Variants in FAM227B observed in about 807,000 individuals in gnomAD.
The protein encoded by FAM227B is protein FAM227B.
Under a neutral mutation model 73.8 loss-of-function variants are expected in FAM227B, and 88 were observed. The ratio of observed to expected loss-of-function variants is 1.19; its 90% CI spans 1.00 to 1.42. The LOEUF (loss-of-function observed/expected upper bound fraction) is 1.42. Ranked by LOEUF, FAM227B falls within the 40% of genes most tolerant of loss-of-function variation. The pLI is 0.00. For missense variants in FAM227B, 632 were observed against 590.9 expected, an observed-to-expected ratio of 1.07 and a Z score of -0.72; for synonymous variants, 210 against 190.5, an observed-to-expected ratio of 1.10 and a Z score of -0.84.
At chr15:49,333,404 A>G (rs1265680620) in intron 14 of FAM227B, among the ~76,000 whole-genome samples, 2 of 152,188 alleles carry the variant, frequency 1.3e-5, no homozygotes, top group East Asian at 1.9e-4. Context: ...TGCATTAATC[A>G]TATTTGAATA....
intron 11 of FAM227B, among the ~76,000 whole-genome samples, chr15:49,489,775 T>C (rs1162012555): frequency 8.4e-6 from 1 of 118,470 alleles, no homozygotes; most frequent in Non-Finnish European, 1.8e-5. Context: ...TATAGATATA[T>C]ACAGAACAGG....
chr15:49,420,322 G>A (rs917732512), intron 11 of FAM227B, among the ~76,000 whole-genome samples: 7 of 151,852 alleles, frequency 4.6e-5, no homozygotes, highest in South Asian at 4.2e-4. Flanking sequence ...ATACCCATTC[G>A]GTGGAATACC....
chr15:49,508,474 C>T (rs1377731312), intron 10 of FAM227B, 126 bp from the exon 11 acceptor site: 1 of 735,838 alleles, frequency 1.4e-6, no homozygotes, highest in Non-Finnish European at 2.1e-6. Context: ...CTTTTTTGTT[C>T]CTTTTAAGCT....
At chr15:49,381,491 A>T (rs1274849479) in intron 11 of FAM227B, among the ~76,000 whole-genome samples, 1 of 152,220 alleles carries the variant, frequency 6.6e-6, no homozygotes, top group Non-Finnish European at 1.5e-5. Context: ...GACATCCATG[A>T]GAAGTAATAG....
At chr15:49,577,910 C>T (rs1162349088) in intron 5 of FAM227B, among the ~76,000 whole-genome samples, 7 of 152,120 alleles carry the variant, frequency 4.6e-5, no homozygotes, top group Admixed American at 4.6e-4. Flanking sequence ...GATATAAGGG[C>T]TATAATAAAC....
Position 49,424,614 on chromosome 15 carries a change from T to G in FAM227B, c.1013-53215A>C, listed in dbSNP as rs755511380. 4 of 1,489,528 alleles carry G rather than the reference T, an allele frequency of 2.7e-6. No homozygotes were observed. In the Admixed American group the frequency reaches 6.4e-5, roughly 24 times the overall value. The allele number at this position is 1,489,528 out of a possible 1,614,324, so 92.3% of individuals were successfully genotyped here. A position where few individuals can be genotyped will look rare whatever the true frequency, so the allele number is the denominator to read the frequency against. On this transcript the variant is annotated intron_variant, in intron 11 of 15. Coordinates refer to ENST00000299338, the MANE Select transcript of FAM227B (RefSeq NM_152647.3). Reference sequence around the variant, plus strand: ...TAATTTTAAGTACTGCTCATGAACCTTAGCAATCTGTTAATGGATCAATTT... The same window carrying G: ...TAATTTTAAGTACTGCTCATGAACCGTAGCAATCTGTTAATGGATCAATTT...
intron 5 of FAM227B, among the ~76,000 whole-genome samples, chr15:49,580,471 C>G (rs546931126): frequency 6.6e-6 from 1 of 152,252 alleles, no homozygotes; most frequent in African/African-American, 2.4e-5. Flanking sequence ...CTGAAAACAT[C>G]CAGAAACAAA....
At chr15:49,465,990 C>T (rs2054235489) in intron 11 of FAM227B, among the ~76,000 whole-genome samples, 2 of 152,262 alleles carry the variant, frequency 1.3e-5, no homozygotes, top group South Asian at 2.1e-4. Context: ...TTCAAATAGT[C>T]TACAACCTAG....
intron 11 of FAM227B, among the ~76,000 whole-genome samples, chr15:49,468,688 A>G (rs914202561): frequency 6.6e-6 from 1 of 152,216 alleles, no homozygotes; most frequent in African/African-American, 2.4e-5. Context: ...GTGAAAGTCA[A>G]TAAAGAAATG....
chr15:49,589,542 T>TAC (rs35391819), intron 4 of FAM227B, among the ~76,000 whole-genome samples: 28,385 of 139,512 alleles, frequency 0.2, 2,903 homozygotes, highest in East Asian at 0.3. Context: ...TTTATGAGAT[T>TAC]ACACACACAC....
intron 11 of FAM227B, among the ~76,000 whole-genome samples, chr15:49,499,927 T>C (rs2058000488): frequency 6.6e-6 from 1 of 152,204 alleles, no homozygotes; most frequent in African/African-American, 2.4e-5. Context: ...AATTTCCATG[T>C]GAAATTGGGT....
At chr15:49,568,448 G>A in intron 8 of FAM227B, 102 bp from the exon 9 acceptor site, 1 of 914,650 alleles carries the variant, frequency 1.1e-6, no homozygotes, top group Non-Finnish European at 1.6e-6. Context: ...CAGATCAATT[G>A]GTACAGGAGA....
intron 11 of FAM227B, among the ~76,000 whole-genome samples, chr15:49,380,121 C>T (rs949795500): frequency 6.6e-6 from 1 of 152,132 alleles, no homozygotes; most frequent in Admixed American, 6.5e-5. Flanking sequence ...TCTTTCTTCC[C>T]CTTTCCAAAG....
intron 13 of FAM227B, among the ~76,000 whole-genome samples, chr15:49,350,587 G>A (rs533892533): frequency 1.3e-5 from 2 of 152,108 alleles, no homozygotes; most frequent in African/African-American, 2.4e-5. Flanking sequence ...CCACAAAACT[G>A]AGCTTAAAAG....
chr15:49,485,147 T>G (rs2056300427), intron 11 of FAM227B: 1 of 152,342 alleles, frequency 6.6e-6, no homozygotes, highest in Non-Finnish European at 1.5e-5. Flanking sequence ...AAATTTCTAA[T>G]GCTGCTCAAG....
Position 49,508,347 on chromosome 15 carries a change from A to G in FAM227B, c.876T>C (p.Gly292=), listed in dbSNP as rs777750243. ...LGNNIFLWCS[G]LKPQKGFWIH... Reference sequence around the variant, plus strand: ...TCCAAAAGCCTTTTTGAGGTTTTAAACCTGTTAATATAAAATACATATTTA... The same window carrying G: ...TCCAAAAGCCTTTTTGAGGTTTTAAGCCTGTTAATATAAAATACATATTTA... The change falls in exon 11 of 16, where the codon GGT becomes GGC. Residue 292 remains glycine, a splice_region_variant and synonymous_variant. Coordinates refer to ENST00000299338, the MANE Select transcript of FAM227B (RefSeq NM_152647.3). The G allele has an allele frequency of 4.3e-5, 68 of 1,578,310 alleles. No homozygotes were observed. Among genetic ancestry groups the G allele is most frequent in the Admixed American group, 4.2e-4 (21 of 49,424 alleles).
intron 11 of FAM227B, among the ~76,000 whole-genome samples, chr15:49,377,829 T>C (rs1409879029): frequency 6.6e-6 from 1 of 152,138 alleles, no homozygotes; most frequent in African/African-American, 2.4e-5. Flanking sequence ...CTTTGTTGAT[T>C]GTATCCTCTG....
chr15:49,457,244 G>A (rs1393174540), intron 11 of FAM227B, among the ~76,000 whole-genome samples: 5 of 151,956 alleles, frequency 3.3e-5, no homozygotes, highest in South Asian at 2.1e-4. Flanking sequence ...AGAAGAGTTC[G>A]TTTAATACTA....
At chr15:49,400,814 C>G (rs2048083088) in intron 11 of FAM227B, among the ~76,000 whole-genome samples, 1 of 150,732 alleles carries the variant, frequency 6.6e-6, no homozygotes, top group South Asian at 2.1e-4. Flanking sequence ...AAAGCTGAAA[C>G]TTGATCCCTT....
Sources: allele counts gnomAD v4.1 joint callset (sites outside exome capture counted in the v4.1 genomes callset), GRCh38; gene constraint gnomAD v4.1.1; transcripts MANE v1.5; gene names NCBI Gene and HGNC (gene_info 2026-07-23, HGNC 2026-07-21).